KPNA6: variants seen among roughly 807,000 people sequenced by gnomAD.
KPNA6 encodes the protein karyopherin subunit alpha 6, also known as importin subunit alpha-7.
A neutral mutation model predicts 72.0 loss-of-function variants in KPNA6; 9 were observed. That is an observed-to-expected ratio of 0.13 (90% CI 0.08 to 0.22). KPNA6 has a LOEUF of 0.22. Among genes scored for constraint, KPNA6 ranks in the 10% least tolerant of loss-of-function variants. The pLI, the probability that KPNA6 is intolerant of heterozygous loss-of-function variation, is 1.00. For synonymous variants in KPNA6, 219 were observed against 242.1 expected (o/e 0.90, Z 0.89); for missense variants, 374 against 655.7 (o/e 0.57, Z 4.69).
chr1:32,117,490 T>A (rs1057067482), intron 1 of KPNA6, among the ~76,000 whole-genome samples: 11 of 151,270 alleles, frequency 7.3e-5, no homozygotes, highest in Admixed American at 2.0e-4. Flanking sequence ...TTTTTTTTTT[T>A]TAAAAAAAAC....
chr1:32,129,521 T>C (rs1641600034), intron 1 of KPNA6, among the ~76,000 whole-genome samples: 2 of 152,060 alleles, frequency 1.3e-5, no homozygotes, highest in Non-Finnish European at 2.9e-5. Flanking sequence ...TTAGTATTTG[T>C]ATCATTTGAT....
At chr1:32,156,193 C>G (rs1467215687) in intron 2 of KPNA6, among the ~76,000 whole-genome samples, 2 of 152,034 alleles carry the variant, frequency 1.3e-5, no homozygotes, top group African/African-American at 4.8e-5. Flanking sequence ...GCCTCTGCCT[C>G]CAAGTCCTTG....
At chr1:32,163,387 C>A (rs548201573) in intron 10 of KPNA6, 74 bp downstream of exon 10, 26 of 1,077,532 alleles carry the variant, frequency 2.4e-5, no homozygotes, top group Middle Eastern at 2.8e-4. Context: ...TGGACAAAAG[C>A]CTTTCCTGCA....
At chr1:32,149,441 G>T (rs1228275786) in intron 1 of KPNA6, among the ~76,000 whole-genome samples, 1 of 151,992 alleles carries the variant, frequency 6.6e-6, no homozygotes, top group Non-Finnish European at 1.5e-5. Context: ...GCCCAGGATG[G>T]TCTCTAACTC....
At chr1:32,141,433 T>C (rs1641836595) in intron 1 of KPNA6, among the ~76,000 whole-genome samples, 1 of 125,610 alleles carries the variant, frequency 8.0e-6, no homozygotes, top group African/African-American at 3.0e-5. Context: ...AGTCTCACAC[T>C]GTCACCCAGG....
rs1353880123 is a variant in KPNA6 at position 32,169,912 on chromosome 1, C to T, written c.1275C>T (p.Pro425=). The T allele has an allele frequency of 6.2e-7, 1 of 1,614,052 alleles. No individual in the cohort carries two copies. The highest frequency in any genetic ancestry group is 8.5e-7 in the Non-Finnish European group (1 of 1,180,004). ...RYLVSLGCIK[P]LCDLLTVMDS... is the part of the protein sequence containing the mutation. ...TGGTCTCACTGGGCTGCATCAAACC[C>T]CTATGTGACTTGCTGACTGTAATGG... Residue 425 remains proline (P), a synonymous_variant, in exon 13 of 14, where the codon CCC becomes CCT. Transcript: ENST00000373625.
chr1:32,134,014 G>T (rs988149643), intron 1 of KPNA6, among the ~76,000 whole-genome samples: 3 of 151,108 alleles, frequency 2.0e-5, no homozygotes, highest in Non-Finnish European at 4.4e-5. Flanking sequence ...AGGCTGAAGT[G>T]GGTGGATCAC....
chr1:32,158,475 A>G (rs1406321675), intron 5 of KPNA6, 114 bp downstream of exon 5: 2 of 623,196 alleles, frequency 3.2e-6, no homozygotes, highest in African/African-American at 1.8e-5. Flanking sequence ...GCAATTTGAA[A>G]TAAGCAAATC....
chr1:32,124,373 A>G (rs1641494208), intron 1 of KPNA6, among the ~76,000 whole-genome samples: 2 of 151,832 alleles, frequency 1.3e-5, no homozygotes, highest in Non-Finnish European at 2.9e-5. Flanking sequence ...ACCTGTCTTT[A>G]AAAAGAAAAA....
At chr1:32,166,755 A>G (rs1642346826) in intron 11 of KPNA6, among the ~76,000 whole-genome samples, 2 of 145,944 alleles carry the variant, frequency 1.4e-5, no homozygotes, top group South Asian at 4.3e-4. Flanking sequence ...TGGTGAAACC[A>G]TGTCTCTTCT....
At chr1:32,168,536 T>C (rs1419051854) in intron 12 of KPNA6, among the ~76,000 whole-genome samples, 1 of 152,234 alleles carries the variant, frequency 6.6e-6, no homozygotes, top group Non-Finnish European at 1.5e-5. Context: ...TGGAAAGTGG[T>C]GGGAATAGTT....
At position 32,120,845 on chromosome 1, in the gene KPNA6, A is replaced by G. The variant is rs564562100; in HGVS notation, c.4+12711A>G. On this transcript the variant is annotated intron_variant, in intron 1 of 13. Coordinates refer to ENST00000373625, the MANE Select transcript of KPNA6 (RefSeq NM_012316.5). ...GGCCTCCCACAGTAGTGCTGGGATT[A>G]CCACCACACCCAGACGGAGTTCCTT... Among the ~76,000 whole-genome samples, 3 of 143,882 alleles carry G rather than the reference A, an allele frequency of 2.1e-5. No homozygotes were observed. In the South Asian group the frequency reaches 6.7e-4, roughly 32 times the overall value. 94.4% of individuals were successfully genotyped at this position (143,882 alleles called of 152,430 possible). A position where few individuals can be genotyped will look rare whatever the true frequency, so the allele number is the denominator to read the frequency against.
intron 2 of KPNA6, 130 bp downstream of exon 2, chr1:32,154,851 T>A: frequency 1.1e-6 from 1 of 926,880 alleles, no homozygotes; most frequent in Non-Finnish European, 1.6e-6. Flanking sequence ...CTCATGTCTG[T>A]AATCCCAGCA....
intron 4 of KPNA6, among the ~76,000 whole-genome samples, chr1:32,157,944 A>G (rs959537030): frequency 1.3e-5 from 2 of 152,210 alleles, no homozygotes; most frequent in African/African-American, 4.8e-5. Flanking sequence ...AGAAGAGAGT[A>G]CTGGTCTTTC....
intron 12 of KPNA6, among the ~76,000 whole-genome samples, chr1:32,168,267 G>A (rs1034218511): frequency 5.3e-5 from 8 of 152,188 alleles, no homozygotes; most frequent in Admixed American, 5.2e-4. Flanking sequence ...TTTTGAGACC[G>A]CAACCTCTGC....
intron 1 of KPNA6, among the ~76,000 whole-genome samples, chr1:32,152,107 A>G (rs567017344): frequency 1.1e-4 from 16 of 152,076 alleles, no homozygotes; most frequent in African/African-American, 3.4e-4. Context: ...AGGCAGGGGG[A>G]TTGTTGAGGA....
intron 1 of KPNA6, among the ~76,000 whole-genome samples, chr1:32,129,529 G>A (rs906776898): frequency 6.6e-6 from 1 of 151,644 alleles, no homozygotes; most frequent in African/African-American, 2.4e-5. Flanking sequence ...TGTATCATTT[G>A]ATATTTGTGT....
chr1:32,164,027 A>C (rs1030553726), intron 10 of KPNA6, among the ~76,000 whole-genome samples: 1 of 152,182 alleles, frequency 6.6e-6, no homozygotes, highest in Non-Finnish European at 1.5e-5. Context: ...ATCATCTCAA[A>C]CTGAAACCGT....
chr1:32,143,659 CATTA>C (rs1641881412), intron 1 of KPNA6, among the ~76,000 whole-genome samples: 2 of 151,276 alleles, frequency 1.3e-5, no homozygotes, highest in Admixed American at 6.6e-5. Context: ...AATACAGTGG[CATTA>C]ATTACAGTTA....
Sources: allele counts gnomAD v4.1 joint callset (sites outside exome capture counted in the v4.1 genomes callset), GRCh38; gene constraint gnomAD v4.1.1; transcripts MANE v1.5; gene names NCBI Gene and HGNC (gene_info 2026-07-23, HGNC 2026-07-21).